PCDHGB5: variants seen among roughly 807,000 people sequenced by gnomAD.
PCDHGB5 encodes protocadherin gamma-B5.
PCDHGB5 carries 48 observed loss-of-function variants against 62.9 expected under a neutral mutation model. That is an observed-to-expected ratio of 0.76 (90% CI 0.61 to 0.97). The LOEUF (loss-of-function observed/expected upper bound fraction) is 0.97, where lower values mean the gene tolerates loss of function less well. Ranked by LOEUF, PCDHGB5 falls within the 50% of genes least tolerant of loss-of-function variation. The pLI is 0.00. For synonymous variants in PCDHGB5, 474 were observed against 511.2 expected (o/e 0.93, Z 0.98); for missense variants, 1,118 against 1,198.6 (o/e 0.93, Z 0.99).
intron 1 of PCDHGB5, chr5:141,423,072 G>A: frequency 1.2e-6 from 2 of 1,614,120 alleles, no homozygotes; most frequent in Non-Finnish European, 1.7e-6. Flanking sequence ...CCAGCGAGCC[G>A]GGACTCTTCG....
intron 1 of PCDHGB5, among the ~76,000 whole-genome samples, chr5:141,483,832 G>A (rs994540286): frequency 2.0e-5 from 3 of 152,134 alleles, no homozygotes; most frequent in African/African-American, 7.2e-5. Context: ...ACCTAGGTAA[G>A]GACTTGGTTG....
intron 1 of PCDHGB5, among the ~76,000 whole-genome samples, chr5:141,446,777 C>CTT (rs1480571336): frequency 1.3e-5 from 2 of 152,072 alleles, no homozygotes; most frequent in Non-Finnish European, 2.9e-5. Flanking sequence ...GGTTACCATT[C>CTT]TTTTACTCTG....
chr5:141,490,811 A>G lies in PCDHGB5; in HGVS notation c.2398-3996A>G, dbSNP rs750702067. The G allele has an allele frequency of 1.2e-6, 2 of 1,613,918 alleles. No homozygotes were observed. The highest frequency in any genetic ancestry group is 8.5e-7 in the Non-Finnish European group (1 of 1,179,884). On this transcript the variant is annotated intron_variant, in intron 1 of 3. Coordinates refer to ENST00000617380, the MANE Select transcript of PCDHGB5 (RefSeq NM_018925.3). This position sits in a 1 kb window ranked among gnomAD's most constrained non-coding sequence, Gnocchi z 5.4. ...ATCTTTGCCCAGCGTACCTTTGACTATGAATTGCTGCAGATGCTGCAGATT... is the reference window on the plus strand; with the variant it reads ...ATCTTTGCCCAGCGTACCTTTGACTGTGAATTGCTGCAGATGCTGCAGATT...
At position 141,399,393 on chromosome 5, in the gene PCDHGB5, C is replaced by G. The variant is rs762678347; in HGVS notation, c.1266C>G (p.Asp422Glu). 28 of 1,613,976 alleles carry G rather than the reference C, an allele frequency of 1.7e-5. No homozygotes were observed. In the Middle Eastern group the frequency reaches 2.8e-3, roughly 162 times the overall value. The part of the protein sequence containing the change: ...PEYNVTITAT[D>E]RGKPPLSSSI... ...ACAATGTCACCATCACAGCCACAGA[C>G]AGGGGCAAGCCGCCCCTCTCCTCCA... Residue 422 changes from aspartate to glutamate, a missense_variant, in exon 1 of 4, where the codon GAC becomes GAG. Around this residue, in one of 2 missense-constraint regions of PCDHGB5, gnomAD observed 1,034 missense variants for 1,029.1 expected, o/e 1.00. Transcript: ENST00000617380.
At chr5:141,436,335 A>T (rs2097814208) in intron 1 of PCDHGB5, among the ~76,000 whole-genome samples, 1 of 152,172 alleles carries the variant, frequency 6.6e-6, no homozygotes, top group African/African-American at 2.4e-5. Flanking sequence ...ACCATATCTC[A>T]AATATCAGTG....
chr5:141,472,164 G>C (rs2099273083), intron 1 of PCDHGB5, among the ~76,000 whole-genome samples: 1 of 152,158 alleles, frequency 6.6e-6, no homozygotes, highest in Non-Finnish European at 1.5e-5. Flanking sequence ...TAGCTACTAG[G>C]TGTAATATCC....
Position 141,485,190 on chromosome 5 carries a change from G to C in PCDHGB5, c.2398-9617G>C. 6.2e-7 allele frequency: 1 copy of C among 1,613,920 alleles called. No individual in the cohort carries two copies. Among genetic ancestry groups the C allele is most frequent in the Non-Finnish European group, 8.5e-7 (1 of 1,179,788 alleles). Reference sequence around the variant, plus strand: ...GCGGCAGCAATGCTCCGCAAGGTGAGAAGCTGGACAGAAATCTGGCGGTGG... The same window carrying C: ...GCGGCAGCAATGCTCCGCAAGGTGACAAGCTGGACAGAAATCTGGCGGTGG... On this transcript the variant is annotated intron_variant, in intron 1 of 3. Coordinates refer to ENST00000617380, the MANE Select transcript of PCDHGB5 (RefSeq NM_018925.3). This position sits in a 1 kb window ranked among gnomAD's most constrained non-coding sequence, Gnocchi z 5.7.
Position 141,431,046 on chromosome 5 carries a change from G to A in PCDHGB5, c.2397+30522G>A, listed in dbSNP as rs1324139757. 7 of 1,614,240 alleles carry A rather than the reference G, an allele frequency of 4.3e-6. 1 individual carries two copies. The Admixed American group carries it at 1.0e-4, about 23-fold the overall frequency. ...GGCAGGATAGACCGGGAGGAGCTCTGTATGGGGGCCATCAAGTGTCAATTA... is the reference window on the plus strand; with the variant it reads ...GGCAGGATAGACCGGGAGGAGCTCTATATGGGGGCCATCAAGTGTCAATTA... On this transcript the variant is annotated intron_variant, in intron 1 of 3. Transcript: ENST00000617380. The surrounding 1 kb of genome is among the most constrained non-coding windows in gnomAD (Gnocchi z 4.8).
In PCDHGB5 at chr5:141,399,103, C is replaced by G. The variant is rs376000100; in HGVS notation, c.976C>G (p.Gln326Glu). The G allele has an allele frequency of 1.6e-5, 26 of 1,613,722 alleles. No homozygotes were observed. The South Asian group carries it at 2.9e-4, about 18-fold the overall frequency. Residue 326 changes from glutamine (Q) to glutamate (E), a missense_variant, in exon 1 of 4, where the codon CAA becomes GAA. This residue lies in a region of PCDHGB5 where 1,034 missense variants were observed against 1,029.1 expected (regional missense o/e 1.00). Transcript: ENST00000617380. ...GAGGGATGGTGGTGGACTGGTTGCA[C>G]AATGTACAGTTGAAATTAATATTCA... is the stretch of plus-strand genomic sequence containing the variant. ...EGRDGGGLVA[Q>E]CTVEINIQDE...
intron 1 of PCDHGB5, among the ~76,000 whole-genome samples, chr5:141,452,388 A>G (rs892688242): frequency 3.9e-5 from 6 of 152,210 alleles, no homozygotes; most frequent in Non-Finnish European, 5.9e-5. Flanking sequence ...TAGTATTTAG[A>G]AACTAAGATC....
chr5:141,492,720 A>G (rs1161942205), intron 1 of PCDHGB5, among the ~76,000 whole-genome samples: 1 of 152,256 alleles, frequency 6.6e-6, no homozygotes, highest in East Asian at 1.9e-4. Context: ...GCAGGCGGAC[A>G]GGCAGAGCTG....
chr5:141,485,887 C>T lies in PCDHGB5; in HGVS notation c.2398-8920C>T. 1 of 1,614,098 alleles carries T rather than the reference C, an allele frequency of 6.2e-7. No homozygotes were observed. On this transcript the variant is annotated intron_variant, in intron 1 of 3. Transcript: ENST00000617380. The surrounding 1 kb of genome is among the most constrained non-coding windows in gnomAD (Gnocchi z 5.7). ...TATCCGTGCTGGACGTAAACGACAA[C>T]GCCCCAGCCTTCCAGCAATCCAGCT...
intron 1 of PCDHGB5, chr5:141,403,630 G>A (rs2094436948): frequency 3.1e-6 from 5 of 1,613,786 alleles, no homozygotes; most frequent in Middle Eastern, 3.3e-4. Flanking sequence ...CCAGCACAGT[G>A]CGCATCCATG....
chr5:141,509,873 G>C (rs2099878704), intron 3 of PCDHGB5, among the ~76,000 whole-genome samples: 1 of 152,196 alleles, frequency 6.6e-6, no homozygotes, highest in South Asian at 2.1e-4. Flanking sequence ...CAAGCTGCTG[G>C]TGGTGATGGT....
intron 1 of PCDHGB5, among the ~76,000 whole-genome samples, chr5:141,457,057 C>T (rs1224573005): frequency 6.6e-6 from 1 of 152,182 alleles, no homozygotes; most frequent in Non-Finnish European, 1.5e-5. Flanking sequence ...TTCATGCTTC[C>T]TTTTTGCCAG....
In PCDHGB5 at chr5:141,431,339, T is replaced by A. The variant is rs1374646530; in HGVS notation, c.2397+30815T>A. 7.4e-6 allele frequency: 12 copies of A among 1,613,942 alleles called. No homozygotes were observed. In the Admixed American group the frequency reaches 1.2e-4, roughly 16 times the overall value. ...AGCCGACGGTAGTAAGTACCCCGAA[T>A]TGGTGCTGAAACGCGCCCTGGACCG... On this transcript the variant is annotated intron_variant, in intron 1 of 3. Coordinates refer to ENST00000617380, the MANE Select transcript of PCDHGB5 (RefSeq NM_018925.3). This position sits in a 1 kb window ranked among gnomAD's most constrained non-coding sequence, Gnocchi z 4.8.
chr5:141,414,023 A>G lies in PCDHGB5; in HGVS notation c.2397+13499A>G, dbSNP rs746044242. 5 of 1,612,692 alleles carry G rather than the reference A, an allele frequency of 3.1e-6. No homozygotes were observed. The highest frequency in any genetic ancestry group is 2.2e-5 in the East Asian group (1 of 44,836). ...GAAGGTGCCAATGGAGAAGTGACAT[A>G]TTCATTCCGAAAATTACCTGACACG... On this transcript the variant is annotated intron_variant, in intron 1 of 3. Transcript: ENST00000617380.
chr5:141,418,126 A>G (rs2096226975), intron 1 of PCDHGB5: 3 of 1,613,994 alleles, frequency 1.9e-6, no homozygotes, highest in Non-Finnish European at 2.5e-6. Context: ...TGAAGGACCG[A>G]ATAGACCGTG....
Position 141,399,705 on chromosome 5 carries a change from C to G in PCDHGB5, c.1578C>G (p.Leu526=). 1 of 1,613,470 alleles carries G rather than the reference C, an allele frequency of 6.2e-7. No individual in the cohort carries two copies. The change falls in exon 1 of 4, where the codon CTC becomes CTG. Residue 526 remains leucine (L), a synonymous_variant. Coordinates refer to ENST00000617380, the MANE Select transcript of PCDHGB5 (RefSeq NM_018925.3). ...ACGAGCAGCTGCGCACCTTCGAACT[C>G]ACACTACAGGCCCGCGACCAGGGCT... ...FDYEQLRTFE[L]TLQARDQGSP...
Sources: allele counts gnomAD v4.1 joint callset (sites outside exome capture counted in the v4.1 genomes callset), GRCh38; gene constraint gnomAD v4.1.1; regional missense constraint gnomAD v4.1.1; non-coding constraint Gnocchi (gnomAD v3.1); transcripts MANE v1.5; gene names NCBI Gene and HGNC (gene_info 2026-07-23, HGNC 2026-07-21).